Variants in SRFBP1 observed in about 807,000 individuals in gnomAD.
SRFBP1 encodes the protein serum response factor-binding protein 1.
Under a neutral mutation model 45.5 loss-of-function variants are expected in SRFBP1, and 47 were observed. That is an observed-to-expected ratio of 1.03 (90% confidence interval 0.82 to 1.32). The LOEUF is 1.32. Ranked by LOEUF, SRFBP1 falls within the 40% of genes most tolerant of loss-of-function variation. The pLI, the probability that SRFBP1 is intolerant of heterozygous loss-of-function variation, is 0.00. For missense variants in SRFBP1, 621 were observed against 484.6 expected, an observed-to-expected ratio of 1.28 and a Z score of -2.64; for synonymous variants, 203 against 166.3, an observed-to-expected ratio of 1.22 and a Z score of -1.70.
chr5:122,003,760 G>A (rs1462093524), intron 4 of SRFBP1, among the ~76,000 whole-genome samples: 3 of 152,068 alleles, frequency 2.0e-5, no homozygotes, highest in Admixed American at 2.0e-4. Context: ...ATTCTTATGG[G>A]TTAGAGGTGA....
At chr5:121,971,049 G>A (rs1752181780) in intron 1 of SRFBP1, among the ~76,000 whole-genome samples, 1 of 152,038 alleles carries the variant, frequency 6.6e-6, no homozygotes, top group East Asian at 1.9e-4. Context: ...GAAATGGTAG[G>A]TGTAAAGGCT....
chr5:122,051,918 T>C (rs978174403), intron 2 of SRFBP1, among the ~76,000 whole-genome samples: 2 of 152,168 alleles, frequency 1.3e-5, no homozygotes, highest in African/African-American at 4.8e-5. Flanking sequence ...GCACTCCTTT[T>C]ATAAGCTCTT....
chr5:121,968,467 G>A (rs1752119906), intron 1 of SRFBP1, among the ~76,000 whole-genome samples: 2 of 152,064 alleles, frequency 1.3e-5, no homozygotes. Context: ...TGGTGGGGGG[G>A]ACTACTGTAT....
At chr5:122,002,718 TATGTGAGAAATTGTTGTAATTATGTGAG>T (rs1348798026) in intron 4 of SRFBP1, among the ~76,000 whole-genome samples, 1 of 152,144 alleles carries the variant, frequency 6.6e-6, no homozygotes, top group Admixed American at 6.5e-5. Flanking sequence ...TATTGAGAAT[TATGTGAGAAATTGTTGTAATTATGTGAG>T]ATGTGAGAAA....
intron 4 of SRFBP1, among the ~76,000 whole-genome samples, chr5:122,002,680 G>T (rs577544189): frequency 2.4e-4 from 36 of 152,276 alleles, no homozygotes; most frequent in African/African-American, 8.4e-4. Context: ...GAGTTTCAAA[G>T]TGTTGAGAAT....
Position 121,973,134 on chromosome 5 carries a change from A to G in SRFBP1, c.37-1062A>G, listed in dbSNP as rs376795073. Among the ~76,000 whole-genome samples, 4 of 151,702 alleles carry G rather than the reference A, an allele frequency of 2.6e-5. No homozygotes were observed. In the East Asian group the frequency reaches 7.7e-4, roughly 29 times the overall value. On this transcript the variant is annotated intron_variant, in intron 1 of 7. Coordinates refer to ENST00000339397, the MANE Select transcript of SRFBP1 (RefSeq NM_152546.3). Reference sequence around the variant, plus strand: ...AATTTTTTGTGCCAGGCACTCTTGCAGGGCAAAGAAAACACTATATAAATA... The same window carrying G: ...AATTTTTTGTGCCAGGCACTCTTGCGGGGCAAAGAAAACACTATATAAATA...
At chr5:121,973,213 A>G (rs1466818855) in intron 1 of SRFBP1, among the ~76,000 whole-genome samples, 1 of 151,880 alleles carries the variant, frequency 6.6e-6, no homozygotes, top group Non-Finnish European at 1.5e-5. Flanking sequence ...AGACAGCCAC[A>G]TGAGCCATTA....
At position 122,020,297 on chromosome 5, in the gene SRFBP1, A is replaced by T; in HGVS notation, c.562A>T (p.Ile188Leu). ...ACCAATACATAATTCAAAGGAAAAAATAGCAAAGATGGAACATGGACCTAA... is the reference window on the plus strand; with the variant it reads ...ACCAATACATAATTCAAAGGAAAAATTAGCAAAGATGGAACATGGACCTAA... ...KKPIHNSKEK[I>L]AKMEHGPKAV... Residue 188 changes from isoleucine to leucine, a missense_variant, in exon 6 of 8, where the codon ATA becomes TTA. Ile to Leu is a conservative substitution (Grantham distance 5). Transcript: ENST00000339397. 6.2e-7 allele frequency: 1 copy of T among 1,611,862 alleles called. No homozygotes were observed.
At chr5:122,042,811 A>G (rs1256123377) in intron 2 of SRFBP1, among the ~76,000 whole-genome samples, 3 of 152,074 alleles carry the variant, frequency 2.0e-5, no homozygotes, top group East Asian at 3.9e-4. Flanking sequence ...CTTCTCTGCT[A>G]TTTTAGAATT....
At chr5:121,995,745 A>G (rs1752711736) in intron 4 of SRFBP1, among the ~76,000 whole-genome samples, 1 of 152,140 alleles carries the variant, frequency 6.6e-6, no homozygotes, top group African/African-American at 2.4e-5. Context: ...GAAAGGATCA[A>G]CAAAATTGAT....
chr5:122,009,607 G>C (rs945472303), intron 4 of SRFBP1, among the ~76,000 whole-genome samples: 5 of 152,112 alleles, frequency 3.3e-5, no homozygotes, highest in Non-Finnish European at 5.9e-5. Context: ...CATAGTTCTT[G>C]GTAAGTTTTC....
In SRFBP1 at chr5:121,962,063, A is replaced by G. The variant is rs760557868; in HGVS notation, c.31A>G (p.Asn11Asp). MAQPGTLNLNNEVVKMRKEVK... is the reference protein window; with the variant it reads MAQPGTLNLNDEVVKMRKEVK... Reference sequence around the variant, plus strand: ...TCAGCCGGGAACTCTGAACCTCAATAACGAGGTGAGCGCCGAGGAACCTAT... The same window carrying G: ...TCAGCCGGGAACTCTGAACCTCAATGACGAGGTGAGCGCCGAGGAACCTAT... The change falls in exon 1 of 8, where the codon AAC (asparagine) becomes GAC (aspartate). Residue 11 changes from asparagine (N) to aspartate (D), a missense_variant. Asn to Asp is a conservative substitution (Grantham distance 23). Coordinates refer to ENST00000339397, the MANE Select transcript of SRFBP1 (RefSeq NM_152546.3). 27 of 1,613,918 alleles carry G rather than the reference A, an allele frequency of 1.7e-5. No individual in the cohort carries two copies. The highest frequency in any genetic ancestry group is 1.0e-4 in the Admixed American group (6 of 60,002).
chr5:122,066,694 T>C, intron 2 of SRFBP1: 1 of 1,545,184 alleles, frequency 6.5e-7, no homozygotes, highest in Non-Finnish European at 8.9e-7. Flanking sequence ...TTTTTCCCAC[T>C]TCAGAACACC....
intron 2 of SRFBP1, among the ~76,000 whole-genome samples, chr5:122,041,708 C>G (rs1340656570): frequency 1.3e-5 from 2 of 152,016 alleles, no homozygotes; most frequent in Non-Finnish European, 2.9e-5. Flanking sequence ...AATAGTTTCT[C>G]TGTTGTTTCT....
At chr5:122,055,037 G>T (rs1191380932) in intron 2 of SRFBP1, among the ~76,000 whole-genome samples, 1 of 152,216 alleles carries the variant, frequency 6.6e-6, no homozygotes, top group Non-Finnish European at 1.5e-5. Flanking sequence ...AATTGTTATT[G>T]TCTTAGCCTG....
intron 2 of SRFBP1, chr5:122,066,053 A>G (rs979173854): frequency 6.6e-6 from 1 of 152,074 alleles, no homozygotes; most frequent in Non-Finnish European, 1.5e-5. Flanking sequence ...CAGCTCCCTT[A>G]CTTAATTTGT....
At chr5:122,001,553 T>TC (rs1296591560) in intron 4 of SRFBP1, among the ~76,000 whole-genome samples, 1 of 133,322 alleles carries the variant, frequency 7.5e-6, no homozygotes, top group Non-Finnish European at 1.6e-5. Context: ...TATCTTTTTT[T>TC]TTTTTTTTTT....
At chr5:122,044,801 C>T (rs926482084) in intron 2 of SRFBP1, among the ~76,000 whole-genome samples, 3 of 151,796 alleles carry the variant, frequency 2.0e-5, no homozygotes, top group African/African-American at 4.8e-5. Context: ...TCTCCCATTC[C>T]ATAGGTTTTC....
At chr5:121,967,912 T>G (rs932379021) in intron 1 of SRFBP1, among the ~76,000 whole-genome samples, 1 of 152,170 alleles carries the variant, frequency 6.6e-6, no homozygotes, top group African/African-American at 2.4e-5. Flanking sequence ...ATGTAACAGA[T>G]CTTCTTATAA....
Sources: gnomAD v4.1 joint callset for allele counts (sites outside exome capture counted in the v4.1 genomes callset) on GRCh38, gnomAD v4.1.1 for gene constraint, MANE v1.5 for transcripts, NCBI Gene and HGNC (gene_info 2026-07-23, HGNC 2026-07-21) for gene names.